NDUFAF6: variants seen among roughly 807,000 people sequenced by gnomAD.
The protein encoded by NDUFAF6 is NADH dehydrogenase (ubiquinone) complex I, assembly factor 6.
NDUFAF6 carries 45 observed loss-of-function variants against 40.8 expected under a neutral mutation model. The ratio of observed to expected loss-of-function variants is 1.10; its 90% CI spans 0.87 to 1.42. The LOEUF (loss-of-function observed/expected upper bound fraction) is 1.42, where lower values mean the gene tolerates loss of function less well. NDUFAF6 is among the 40% of genes most tolerant of loss of function. The pLI is 0.00. For missense variants in NDUFAF6, 435 were observed against 418.5 expected (o/e 1.04, Z -0.34); for synonymous variants, 185 against 155.9 (o/e 1.19, Z -1.39).
chr8:94,902,034 T>C (rs536032262), intron 1 of NDUFAF6, among the ~76,000 whole-genome samples: 10 of 152,286 alleles, frequency 6.6e-5, no homozygotes, highest in African/African-American at 2.4e-4. Flanking sequence ...TTCCATCTTA[T>C]TTTCTGGTGC....
Position 95,025,197 on chromosome 8 carries a change from G to A in NDUFAF6, c.189G>A (p.Glu63=). The change falls in exon 1 of 9, where the codon GAG becomes GAA. Residue 63 remains glutamate, a synonymous_variant. Coordinates refer to ENST00000396124, the MANE Select transcript of NDUFAF6 (RefSeq NM_152416.4). ...GAWGTDHYCL[E]LLRKRDYEGY... is the part of the protein sequence containing the mutation. ...GGGGCACTGACCACTACTGCCTGGA[G>A]CTGCTGCGGTGAGCGAGCACGACCT... is the stretch of plus-strand genomic sequence containing the variant. 2 of 1,440,720 alleles carry A rather than the reference G, an allele frequency of 1.4e-6. No homozygotes were observed. Among genetic ancestry groups the A allele is most frequent in the Non-Finnish European group, 1.8e-6 (2 of 1,109,876 alleles). The allele number at this position is 1,440,720 out of a possible 1,614,324, so 89.2% of individuals were successfully genotyped here.
intron 1 of NDUFAF6, 59 bp downstream of exon 1, chr8:95,025,264 C>T: frequency 7.5e-7 from 1 of 1,338,202 alleles, no homozygotes; most frequent in Non-Finnish European, 9.5e-7. Context: ...GTGGGAGCGG[C>T]TGCGCCTCGC....
downstream of NDUFAF6, among the ~76,000 whole-genome samples, chr8:95,117,371 A>C (rs1435978644): frequency 6.6e-6 from 1 of 152,140 alleles, no homozygotes; most frequent in African/African-American, 2.4e-5. Flanking sequence ...TCTTTGAAAG[A>C]CTTTAGTCAG....
At chr8:94,990,391 T>C (rs890240380) in intron 2 of NDUFAF6, among the ~76,000 whole-genome samples, 5 of 152,192 alleles carry the variant, frequency 3.3e-5, no homozygotes, top group African/African-American at 9.6e-5. Flanking sequence ...TGGGACCAAA[T>C]TGACATCATG....
intron 1 of NDUFAF6, among the ~76,000 whole-genome samples, chr8:94,936,308 A>G (rs776343079): frequency 1.4e-4 from 22 of 152,194 alleles, no homozygotes; most frequent in South Asian, 6.2e-4. Flanking sequence ...GGATCATGTT[A>G]TGTAGGGAAT....
At chr8:95,045,183 G>C (rs889717707) in intron 4 of NDUFAF6, among the ~76,000 whole-genome samples, 1 of 152,072 alleles carries the variant, frequency 6.6e-6, no homozygotes, top group African/African-American at 2.4e-5. Flanking sequence ...TTGGAGGGGG[G>C]GTTGTTTGGG....
At chr8:95,065,717 G>T (rs151173931) in intron 9 of NDUFAF6, among the ~76,000 whole-genome samples, 4,420 of 152,128 alleles carry the variant, frequency 0.029, 76 homozygotes, top group Non-Finnish European at 0.044. Context: ...AATATTCTCT[G>T]AAAAGCCAGC....
At chr8:94,923,932 C>T (rs958175731) in intron 1 of NDUFAF6, among the ~76,000 whole-genome samples, 3 of 151,926 alleles carry the variant, frequency 2.0e-5, no homozygotes, top group African/African-American at 7.3e-5. Context: ...TTGTGATCCA[C>T]CCGCCTTGGC....
chr8:94,916,079 G>C (rs777056144), intron 1 of NDUFAF6, among the ~76,000 whole-genome samples: 2 of 152,170 alleles, frequency 1.3e-5, no homozygotes, highest in Non-Finnish European at 2.9e-5. Context: ...AAGCAAAATG[G>C]TGTGTACTTT....
upstream of NDUFAF6, among the ~76,000 whole-genome samples, chr8:94,953,245 G>A (rs1164925021): frequency 6.6e-6 from 1 of 152,050 alleles, no homozygotes; most frequent in Non-Finnish European, 1.5e-5. Context: ...TACTCGGGAA[G>A]CTGAGGCAGG....
chr8:94,936,696 GAGGGGT>G (rs1014717316), intron 1 of NDUFAF6, among the ~76,000 whole-genome samples: 1 of 152,106 alleles, frequency 6.6e-6, no homozygotes, highest in Non-Finnish European at 1.5e-5. Flanking sequence ...ACGGAAATTT[GAGGGGT>G]ATATTAGGAC....
intron 2 of NDUFAF6, among the ~76,000 whole-genome samples, chr8:94,991,621 TTTCTTATCA>T (rs1466150148): frequency 6.6e-6 from 1 of 152,222 alleles, no homozygotes; most frequent in Non-Finnish European, 1.5e-5. Context: ...GATAATTTTG[TTTCTTATCA>T]TTCCAGAGAT....
intron 1 of NDUFAF6, among the ~76,000 whole-genome samples, chr8:94,968,005 G>A (rs1323434064): frequency 6.6e-6 from 1 of 151,726 alleles, no homozygotes; most frequent in African/African-American, 2.4e-5. Flanking sequence ...GGAGGATTCA[G>A]CCTTTAACCC....
chr8:95,057,378 A>G (rs1476427309), intron 8 of NDUFAF6, among the ~76,000 whole-genome samples: 1 of 152,104 alleles, frequency 6.6e-6, no homozygotes, highest in Non-Finnish European at 1.5e-5. Context: ...GACCTGTTCA[A>G]CTTCTTCACA....
downstream of NDUFAF6, among the ~76,000 whole-genome samples, chr8:95,108,074 G>A (rs10808675): frequency 0.53 from 81,077 of 152,002 alleles, 23,689 homozygotes; most frequent in East Asian, 1. Flanking sequence ...AACCAGTGTT[G>A]GTGTGGGATA....
At chr8:94,978,126 T>A (rs995379004) in intron 1 of NDUFAF6, among the ~76,000 whole-genome samples, 6 of 152,242 alleles carry the variant, frequency 3.9e-5, no homozygotes, top group Middle Eastern at 3.4e-3. Flanking sequence ...AGCTTTGGGA[T>A]GGGAACTGGT....
At chr8:95,009,530 G>C (rs1232612897) in intron 2 of NDUFAF6, among the ~76,000 whole-genome samples, 1 of 152,328 alleles carries the variant, frequency 6.6e-6, no homozygotes, top group Admixed American at 6.5e-5. Flanking sequence ...GGTTATGGGA[G>C]AGAGGGTGGA....
intron 2 of NDUFAF6, among the ~76,000 whole-genome samples, chr8:95,016,003 C>A (rs1827429720): frequency 1.3e-5 from 2 of 152,158 alleles, no homozygotes; most frequent in African/African-American, 4.8e-5. Flanking sequence ...TGGCCAGGCC[C>A]ACTGTTATCC....
intron 2 of NDUFAF6, among the ~76,000 whole-genome samples, chr8:95,006,114 T>C (rs941663113): frequency 6.6e-6 from 1 of 152,006 alleles, no homozygotes; most frequent in African/African-American, 2.4e-5. Context: ...TCTCAGCACT[T>C]TGGGAGGCCG....
Sources: allele counts gnomAD v4.1 joint callset (sites outside exome capture counted in the v4.1 genomes callset), GRCh38; gene constraint gnomAD v4.1.1; transcripts MANE v1.5; gene names NCBI Gene and HGNC (gene_info 2026-07-23, HGNC 2026-07-21).